SYTL5: variants seen among roughly 807,000 people sequenced by gnomAD.
The protein encoded by SYTL5 is synaptotagmin-like protein 5.
SYTL5 carries 34 observed loss-of-function variants against 55.9 expected under a neutral mutation model. The ratio of observed to expected loss-of-function variants is 0.61; its 90% CI spans 0.46 to 0.81. SYTL5 has a LOEUF of 0.81. Among genes scored for constraint, SYTL5 ranks in the 30% least tolerant of loss-of-function variants. The pLI, the probability that SYTL5 is intolerant of heterozygous loss-of-function variation, is 0.00. For missense variants in SYTL5, 637 were observed against 546.7 expected (o/e 1.17, Z -1.65); for synonymous variants, 221 against 188.7 (o/e 1.17, Z -1.40).
intron 6 of SYTL5, among the ~76,000 whole-genome samples, chrX:38,080,608 T>G (rs1936505824): frequency 8.9e-6 from 1 of 111,918 alleles, no homozygotes; most frequent in Non-Finnish European, 1.9e-5. Flanking sequence ...TGTCCTCATT[T>G]CAAGCACTGC....
intron 2 of SYTL5, among the ~76,000 whole-genome samples, chrX:38,038,231 C>T (rs186968985): frequency 8.9e-6 from 1 of 111,799 alleles, no homozygotes; most frequent in Non-Finnish European, 1.9e-5. Flanking sequence ...TAAGTTGATA[C>T]AAATAATTAA....
chrX:38,058,520 A>G (rs1211274606), intron 3 of SYTL5, among the ~76,000 whole-genome samples: 1 of 109,127 alleles, frequency 9.2e-6, no homozygotes, highest in African/African-American at 3.3e-5. Flanking sequence ...AATACTCTCA[A>G]TTTTTTTCTT....
At chrX:37,911,042 T>TGC in the SYTL5 span, among the ~76,000 whole-genome samples, 1 of 102,248 alleles carries the variant, frequency 9.8e-6, no homozygotes, top group African/African-American at 3.8e-5. Context: ...CTCAGCTCAC[T>TGC]ACAACCTCTG....
Position 38,122,177 on chromosome X carries a change from A to G in SYTL5, c.1803A>G (p.Ala601=). The change falls in exon 15 of 17, where the codon GCA becomes GCG. Residue 601 remains alanine (A), a synonymous_variant. Transcript: ENST00000297875. The stretch of plus-strand genomic sequence containing the variant: ...TCAAAGAGGCAAAGAATTTGACAGC[A>G]GTGAAGTCAGGAGGCACTTCTGATA... The part of the protein sequence containing the change: ...VFIKEAKNLT[A]VKSGGTSDSF... 1 of 1,209,607 alleles carries G rather than the reference A, an allele frequency of 8.3e-7. No individual in the cohort carries two copies. Among genetic ancestry groups the G allele is most frequent in the South Asian group, 1.8e-5 (1 of 56,561 alleles).
rs1192159368 is a variant in SYTL5 at position 38,096,671 on chromosome X, CTAG to C, written c.1062+438_1062+440del. 2.1e-3 allele frequency among the ~76,000 whole-genome samples: 233 copies of C among 111,263 alleles called. 1 individual carries two copies. The highest frequency in any genetic ancestry group is 7.4e-3 in the African/African-American group (229 of 30,867). ...AATTAATGTTTCAGTGAACTCATTT[CTAG>C]AATGAGAAGGTTAAATTAGATTATT... On this transcript the variant is annotated intron_variant, in intron 9 of 16. Transcript: ENST00000297875.
At chrX:37,973,194 T>C in the SYTL5 span, among the ~76,000 whole-genome samples, 41,162 of 110,215 alleles carry the variant, frequency 0.37, 6,448 homozygotes, top group East Asian at 0.57. Flanking sequence ...CAGAGTCAGA[T>C]TGAAAAGTAA....
Position 38,127,045 on chromosome X carries a change from T to C in SYTL5, c.*315T>C, listed in dbSNP as rs1409055025. 5.5e-6 allele frequency: 1 copy of C among 182,142 alleles called. No homozygotes were observed. The highest frequency in any genetic ancestry group is 7.4e-5 in the Admixed American group (1 of 13,563). The allele number at this position is 182,142 out of a possible 1,213,427, so 15.0% of individuals were successfully genotyped here. On this transcript the variant is annotated 3_prime_UTR_variant, in exon 17 of 17. Transcript: ENST00000297875. ...AATGGCACAAGCCTCCATTTGCTAA[T>C]TATAAGTTACTTTAGATTTCCTCAA...
At chrX:37,936,202 G>A in the SYTL5 span, among the ~76,000 whole-genome samples, 1 of 112,184 alleles carries the variant, frequency 8.9e-6, no homozygotes, top group East Asian at 2.8e-4. Context: ...CACCCACGAA[G>A]AGAACATCAA....
At chrX:38,043,635 C>T (rs1240338606) in intron 2 of SYTL5, among the ~76,000 whole-genome samples, 1 of 87,234 alleles carries the variant, frequency 1.1e-5, no homozygotes, top group Non-Finnish European at 2.1e-5. Flanking sequence ...GAATTTCCCT[C>T]CTGTAACTTT....
the SYTL5 span, among the ~76,000 whole-genome samples, chrX:37,992,130 C>T: frequency 8.9e-6 from 1 of 112,438 alleles, no homozygotes; most frequent in Non-Finnish European, 1.9e-5. Flanking sequence ...GCATAGAGCA[C>T]CAAAGGATTA....
chrX:38,066,441 C>G (rs1936103656), intron 3 of SYTL5, among the ~76,000 whole-genome samples: 1 of 111,757 alleles, frequency 8.9e-6, no homozygotes, highest in Non-Finnish European at 1.9e-5. Context: ...TCATTATTCA[C>G]AAATAAGTAT....
the SYTL5 span, among the ~76,000 whole-genome samples, chrX:37,942,331 C>G: frequency 8.9e-6 from 1 of 111,938 alleles, no homozygotes; most frequent in Non-Finnish European, 1.9e-5. Flanking sequence ...GTATTACGTG[C>G]TGCTTCTCCT....
intron 1 of SYTL5, among the ~76,000 whole-genome samples, chrX:38,010,858 G>T (rs1251036755): frequency 8.9e-6 from 1 of 112,167 alleles, no homozygotes; most frequent in Non-Finnish European, 1.9e-5. Flanking sequence ...TCTAAGGGTT[G>T]TTCTAAGTGC....
the SYTL5 span, among the ~76,000 whole-genome samples, chrX:37,992,135 G>A: frequency 8.9e-6 from 1 of 112,518 alleles, no homozygotes. Context: ...GAGCACCAAA[G>A]GATTATTAGT....
the SYTL5 span, among the ~76,000 whole-genome samples, chrX:37,985,523 G>C: frequency 9.1e-5 from 10 of 110,395 alleles, no homozygotes; most frequent in Non-Finnish European, 1.5e-4. Context: ...TGTTGCAAAA[G>C]TAAACATTTA....
chrX:38,090,852 C>A lies in SYTL5; in HGVS notation c.831+1265C>A, dbSNP rs201536033. Among the ~76,000 whole-genome samples, 24 of 112,321 alleles carry A rather than the reference C, an allele frequency of 2.1e-4. No homozygotes were observed. The East Asian group carries it at 3.3e-3, about 16-fold the overall frequency. On this transcript the variant is annotated intron_variant, in intron 7 of 16. Coordinates refer to ENST00000297875, the MANE Select transcript of SYTL5 (RefSeq NM_138780.3). ...CCAGTTTCTAAAATATTTTTAATGC[C>A]TCTAGAAGAACAGCCAGTGTGGAGC...
intron 6 of SYTL5, among the ~76,000 whole-genome samples, chrX:38,080,175 G>A (rs774336110): frequency 9.0e-6 from 1 of 111,033 alleles, no homozygotes; most frequent in South Asian, 3.9e-4. Flanking sequence ...AGGATCTAGG[G>A]AGGAGCATGC....
At chrX:38,026,055 T>TA (rs1244772553) in intron 1 of SYTL5, among the ~76,000 whole-genome samples, 5 of 112,528 alleles carry the variant, frequency 4.4e-5, no homozygotes, top group African/African-American at 1.6e-4. Flanking sequence ...CAAGGGTAAT[T>TA]AGCTGTATGA....
chrX:38,061,935 C>T (rs1021753728), intron 3 of SYTL5, among the ~76,000 whole-genome samples: 2 of 111,294 alleles, frequency 1.8e-5, no homozygotes, highest in African/African-American at 6.5e-5. Context: ...ATAAAAGCAA[C>T]ATGAGTTGGA....
Sources: gnomAD v4.1 joint callset for allele counts (sites outside exome capture counted in the v4.1 genomes callset) on GRCh38, gnomAD v4.1.1 for gene constraint, MANE v1.5 for transcripts, NCBI Gene and HGNC (gene_info 2026-07-23, HGNC 2026-07-21) for gene names.